The following GALNTL6 variants were observed in gnomAD, a reference collection of about 807,000 sequenced individuals.
The protein encoded by GALNTL6 is polypeptide N-acetylgalactosaminyltransferase-like 6.
GALNTL6 carries 46 observed loss-of-function variants against 73.7 expected under a neutral mutation model. That is an observed-to-expected ratio of 0.62 (90% confidence interval 0.49 to 0.80). The LOEUF is 0.80. Ranked by LOEUF, GALNTL6 falls within the 30% of genes least tolerant of loss-of-function variation. GALNTL6 has a pLI of 0.00. For missense variants in GALNTL6, 604 were observed against 755.0 expected (o/e 0.80, Z 2.34); for synonymous variants, 259 against 263.7 (o/e 0.98, Z 0.17).
Position 173,021,522 on chromosome 4 carries a change from T to C in GALNTL6, c.1535T>C (p.Leu512Pro), listed in dbSNP as rs2126515955. Residue 512 changes from leucine to proline, a missense_variant, in exon 12 of 13, where the codon CTG becomes CCG. Leu to Pro is a moderately conservative substitution (Grantham distance 98). This residue lies in a region of GALNTL6 where 261 missense variants were observed against 296.5 expected (regional missense o/e 0.88). Coordinates refer to ENST00000506823, the MANE Select transcript of GALNTL6 (RefSeq NM_001034845.3). ...WREDIRPGEP[L>P]HTRKFCFDAI... ...GAAGATATTCGACCCGGTGAGCCAC[T>C]GCATACCCGGAAATTCTGCTTTGAT... 3 of 1,614,130 alleles carry C rather than the reference T, an allele frequency of 1.9e-6. No homozygotes were observed. The highest frequency in any genetic ancestry group is 2.5e-6 in the Non-Finnish European group (3 of 1,179,972).
chr4:172,567,128 G>A (rs1736583306), intron 5 of GALNTL6, among the ~76,000 whole-genome samples: 1 of 151,630 alleles, frequency 6.6e-6, no homozygotes, highest in South Asian at 2.1e-4. Flanking sequence ...CATCAAAGAT[G>A]TCAGATGCAG....
chr4:171,824,547 T>A (rs542378139), intron 2 of GALNTL6, among the ~76,000 whole-genome samples: 1 of 152,248 alleles, frequency 6.6e-6, no homozygotes, highest in African/African-American at 2.4e-5. Flanking sequence ...TAAAATGTTA[T>A]CTATTATTAC....
At chr4:172,520,041 T>C (rs988929097) in intron 5 of GALNTL6, among the ~76,000 whole-genome samples, 8 of 151,900 alleles carry the variant, frequency 5.3e-5, no homozygotes, top group African/African-American at 1.9e-4. Context: ...ATTTTTAAAG[T>C]TATTCATTAT....
chr4:172,195,062 G>A (rs2110887664), intron 2 of GALNTL6, among the ~76,000 whole-genome samples: 1 of 152,114 alleles, frequency 6.6e-6, no homozygotes. Context: ...CATCTCACGT[G>A]CCAAGACATA....
At chr4:172,926,254 C>T (rs2610197) in intron 8 of GALNTL6, among the ~76,000 whole-genome samples, 2,814 of 152,170 alleles carry the variant, frequency 0.018, 89 homozygotes, top group African/African-American at 0.064. Context: ...AGAACTCTAC[C>T]CTCATAACTT....
chr4:172,915,703 A>G (rs1196979970), intron 8 of GALNTL6, among the ~76,000 whole-genome samples: 1 of 152,254 alleles, frequency 6.6e-6, no homozygotes, highest in East Asian at 1.9e-4. Context: ...ACCAGGAAGA[A>G]GTCAAATCCC....
intron 2 of GALNTL6, among the ~76,000 whole-genome samples, chr4:171,941,291 T>G (rs1345783892): frequency 1.3e-5 from 2 of 152,228 alleles, no homozygotes; most frequent in Non-Finnish European, 2.9e-5. Context: ...TCTTCACAAG[T>G]ACCATTTGAT....
intron 2 of GALNTL6, among the ~76,000 whole-genome samples, chr4:172,054,558 A>G (rs912366479): frequency 6.6e-6 from 1 of 152,078 alleles, no homozygotes; most frequent in African/African-American, 2.4e-5. Flanking sequence ...AGATTTTCTG[A>G]TTGTATTTTC....
chr4:171,824,680 T>A (rs1475300598), intron 2 of GALNTL6, among the ~76,000 whole-genome samples: 1 of 152,320 alleles, frequency 6.6e-6, no homozygotes, highest in South Asian at 2.1e-4. Context: ...ACACACTTTC[T>A]TTCATGAACC....
At chr4:172,468,414 A>G (rs1159819375) in intron 5 of GALNTL6, among the ~76,000 whole-genome samples, 1 of 152,198 alleles carries the variant, frequency 6.6e-6, no homozygotes, top group Admixed American at 6.6e-5. Context: ...GAATAATTCC[A>G]ATTAGTCTTT....
intron 5 of GALNTL6, among the ~76,000 whole-genome samples, chr4:172,539,635 A>T (rs1252754995): frequency 6.6e-6 from 1 of 152,062 alleles, no homozygotes; most frequent in Non-Finnish European, 1.5e-5. Flanking sequence ...ACCTTTCTTA[A>T]ATCATTTAAC....
In GALNTL6 at chr4:172,069,417, T is replaced by A. The variant is rs56179190; in HGVS notation, c.139-160239T>A. Among the ~76,000 whole-genome samples the A allele has an allele frequency of 4.2e-5, 4 of 95,312 alleles. 1 individual carries two copies. Among genetic ancestry groups the A allele is most frequent in the South Asian group, 5.9e-4 (2 of 3,414 alleles). 62.5% of individuals were successfully genotyped at this position (95,312 alleles called of 152,430 possible). A position where few individuals can be genotyped will look rare whatever the true frequency, so the allele number is the denominator to read the frequency against. On this transcript the variant is annotated intron_variant, in intron 2 of 12. Transcript: ENST00000506823. The stretch of plus-strand genomic sequence containing the variant: ...TGTGTTATATATAACACATATATGT[T>A]ATATATAACACACATATAACATATA...
rs1738733993 is a variant in GALNTL6 at position 171,947,342 on chromosome 4, A to G, written c.138+132624A>G. On this transcript the variant is annotated intron_variant, in intron 2 of 12. Coordinates refer to ENST00000506823, the MANE Select transcript of GALNTL6 (RefSeq NM_001034845.3). ...AGAAGCTTACTCTAGAACAGAAAAT[A>G]TGAATTATAGGTTGTAAGGGAAGAA... Among the ~76,000 whole-genome samples the G allele has an allele frequency of 1.3e-5, 2 of 152,092 alleles. 1 individual carries two copies. Among genetic ancestry groups the G allele is most frequent in the Admixed American group, 1.3e-4 (2 of 15,216 alleles).
At chr4:172,561,392 G>T (rs938283902) in intron 5 of GALNTL6, among the ~76,000 whole-genome samples, 1 of 151,962 alleles carries the variant, frequency 6.6e-6, no homozygotes, top group East Asian at 1.9e-4. Context: ...TTCTTTAACT[G>T]GGTTAATTTT....
intron 5 of GALNTL6, among the ~76,000 whole-genome samples, chr4:172,672,652 T>G (rs1441405880): frequency 9.6e-5 from 1 of 10,374 alleles, no homozygotes; most frequent in East Asian, 0.022. Context: ...CCTGGGCTTT[T>G]TGTTTTTTTT....
chr4:172,978,277 T>G lies in GALNTL6; in HGVS notation c.1371+26019T>G, dbSNP rs536243748. 5.3e-5 allele frequency among the ~76,000 whole-genome samples: 8 copies of G among 152,316 alleles called. No individual in the cohort carries two copies. In the East Asian group the frequency reaches 5.8e-4, roughly 11 times the overall value. The stretch of plus-strand genomic sequence containing the variant: ...GCTGAGGCTTCTTGGGTTGACTGTA[T>G]AGTCCCACGGTTGCCGAGTCCCAAG... On this transcript the variant is annotated intron_variant, in intron 10 of 12. Transcript: ENST00000506823.
At chr4:171,888,936 T>C (rs1736682802) in intron 2 of GALNTL6, among the ~76,000 whole-genome samples, 1 of 152,102 alleles carries the variant, frequency 6.6e-6, no homozygotes, top group African/African-American at 2.4e-5. Flanking sequence ...TGTATAGTTC[T>C]TTGCCAAAAA....
chr4:172,460,298 A>G (rs1330274681), intron 5 of GALNTL6, among the ~76,000 whole-genome samples: 1 of 152,224 alleles, frequency 6.6e-6, no homozygotes, highest in Non-Finnish European at 1.5e-5. Context: ...ACCATTTAGG[A>G]CATAGTCATG....
At chr4:172,903,464 A>T (rs2610204) in intron 8 of GALNTL6, among the ~76,000 whole-genome samples, 40,125 of 152,122 alleles carry the variant, frequency 0.26, 7,342 homozygotes, top group African/African-American at 0.52. Flanking sequence ...GTAGAAGCCT[A>T]TGGATCAAGT....
Sources: gnomAD v4.1 joint callset for allele counts (sites outside exome capture counted in the v4.1 genomes callset) on GRCh38, gnomAD v4.1.1 for gene constraint, gnomAD v4.1.1 regional missense constraint, MANE v1.5 for transcripts, NCBI Gene and HGNC (gene_info 2026-07-23, HGNC 2026-07-21) for gene names.